The following PTBP3 variants were observed in gnomAD, a reference collection of about 807,000 sequenced individuals.
The protein encoded by PTBP3 is polypyrimidine tract-binding protein 3.
In PTBP3, 20 loss-of-function variants were observed where a neutral mutation model predicts 58.7. The observed-to-expected ratio is 0.34, with a 90% CI of 0.24 to 0.50. The LOEUF is 0.50. Ranked by LOEUF, PTBP3 falls within the 20% of genes least tolerant of loss-of-function variation. PTBP3 has a pLI of 0.98. For missense variants in PTBP3, 509 were observed against 637.2 expected, an observed-to-expected ratio of 0.80 and a Z score of 2.17; for synonymous variants, 185 against 219.8, an observed-to-expected ratio of 0.84 and a Z score of 1.40.
intron 3 of PTBP3, among the ~76,000 whole-genome samples, chr9:112,270,590 A>C (rs983527672): frequency 6.6e-5 from 10 of 152,228 alleles, no homozygotes; most frequent in African/African-American, 2.4e-4. Flanking sequence ...CTGAAATTCC[A>C]GTCTAAAATA....
At chr9:112,228,516 G>T in intron 10 of PTBP3, 44 bp from the exon 11 acceptor site, 1 of 1,341,194 alleles carries the variant, frequency 7.5e-7, no homozygotes, top group Non-Finnish European at 1.0e-6. Flanking sequence ...GTCTGATTGT[G>T]TTGTGTTTAA....
At chr9:112,346,512 A>G in the PTBP3 span, among the ~76,000 whole-genome samples, 4 of 152,110 alleles carry the variant, frequency 2.6e-5, no homozygotes, top group East Asian at 3.9e-4. Flanking sequence ...CATTTAGGGG[A>G]AAAAAATGGA....
chr9:112,366,891 G>A, the PTBP3 span, among the ~76,000 whole-genome samples: 1 of 152,154 alleles, frequency 6.6e-6, no homozygotes, highest in Non-Finnish European at 1.5e-5. Flanking sequence ...CAGGAGGGGG[G>A]CTATACCCTG....
At chr9:112,354,224 T>C in the PTBP3 span, among the ~76,000 whole-genome samples, 1 of 152,194 alleles carries the variant, frequency 6.6e-6, no homozygotes. Flanking sequence ...ATAATAGCCC[T>C]GTGCAAAAAG....
At chr9:112,291,278 T>C (rs1828410398) in intron 2 of PTBP3, among the ~76,000 whole-genome samples, 2 of 151,548 alleles carry the variant, frequency 1.3e-5, no homozygotes, top group Non-Finnish European at 2.9e-5. Context: ...AGACTTGAAA[T>C]TGTTTAAATG....
intron 2 of PTBP3, among the ~76,000 whole-genome samples, chr9:112,280,785 GCATA>G (rs757633763): frequency 0.1 from 895 of 8,836 alleles, 11 homozygotes; most frequent in South Asian, 0.19. Context: ...GTGTGTGTGT[GCATA>G]TATATATATA....
chr9:112,315,894 C>T (rs531924615), intron 1 of PTBP3, among the ~76,000 whole-genome samples: 1 of 152,256 alleles, frequency 6.6e-6, no homozygotes, highest in East Asian at 1.9e-4. Flanking sequence ...CTTCCTTCTA[C>T]TTTCTTGGAA....
chr9:112,319,452 C>T (rs1018334355), intron 1 of PTBP3, among the ~76,000 whole-genome samples: 1 of 152,094 alleles, frequency 6.6e-6, no homozygotes, highest in Non-Finnish European at 1.5e-5. Flanking sequence ...TATATAAAAA[C>T]GTGTTTAACA....
the PTBP3 span, among the ~76,000 whole-genome samples, chr9:112,379,583 G>A: frequency 1.3e-5 from 2 of 152,380 alleles, no homozygotes; most frequent in East Asian, 1.9e-4. Context: ...TTCGGCGGGA[G>A]AGTGGAAACG....
intron 1 of PTBP3, among the ~76,000 whole-genome samples, chr9:112,332,191 AT>A (rs1830402777): frequency 1.3e-5 from 2 of 152,216 alleles, no homozygotes; most frequent in Admixed American, 6.5e-5. Context: ...ATTTTAAGAA[AT>A]TTTTTGAAGC....
intron 1 of PTBP3, chr9:112,332,735 A>G (rs1187066666): frequency 6.2e-7 from 1 of 1,604,736 alleles, no homozygotes; most frequent in Non-Finnish European, 8.5e-7. Flanking sequence ...TAAATTTTTG[A>G]GCATTTGAAA....
chr9:112,352,907 CT>C, the PTBP3 span, among the ~76,000 whole-genome samples: 84 of 145,536 alleles, frequency 5.8e-4, no homozygotes, highest in African/African-American at 1.2e-3. Context: ...TCTTTTTTTT[CT>C]TTTTTTTTTT....
upstream of PTBP3, among the ~76,000 whole-genome samples, chr9:112,338,166 G>C (rs772228047): frequency 1.3e-5 from 2 of 152,222 alleles, no homozygotes; most frequent in Non-Finnish European, 1.5e-5. Context: ...AAGAGGGTGG[G>C]AGCAGATGGA....
the PTBP3 span, among the ~76,000 whole-genome samples, chr9:112,343,491 T>C: frequency 1.3e-5 from 2 of 152,214 alleles, no homozygotes; most frequent in Non-Finnish European, 1.5e-5. Context: ...GCAGTCAGTT[T>C]AAAATATCTT....
At chr9:112,305,385 G>A (rs893457453) in intron 1 of PTBP3, among the ~76,000 whole-genome samples, 3 of 152,002 alleles carry the variant, frequency 2.0e-5, no homozygotes, top group Non-Finnish European at 4.4e-5. Context: ...ACCTGAAGGG[G>A]CTGGAAACTA....
intron 8 of PTBP3, among the ~76,000 whole-genome samples, chr9:112,233,272 G>GGTGTGTGTGTGTGT (rs72086685): frequency 6.9e-6 from 1 of 144,408 alleles, no homozygotes. Context: ...TACACTGTAG[G>GGTGTGTGTGTGTGT]GTGTGTGTGT....
chr9:112,305,808 C>T (rs114582471), intron 1 of PTBP3, among the ~76,000 whole-genome samples: 2 of 152,032 alleles, frequency 1.3e-5, no homozygotes, highest in South Asian at 2.1e-4. Context: ...GGCGTGGTGA[C>T]GGACGCCTGT....
intron 6 of PTBP3, 119 bp from the exon 7 acceptor site, chr9:112,251,222 C>A: frequency 1.3e-6 from 1 of 749,916 alleles, no homozygotes; most frequent in Non-Finnish European, 1.9e-6. Context: ...ACTAAAAAGC[C>A]AAAGTCTTGG....
At chr9:112,339,465 G>A in the PTBP3 span, among the ~76,000 whole-genome samples, 1 of 151,788 alleles carries the variant, frequency 6.6e-6, no homozygotes, top group Admixed American at 6.6e-5. Context: ...TCTTAACCTA[G>A]AAGTCTCCCA....
Sources: gnomAD v4.1 joint callset for allele counts (sites outside exome capture counted in the v4.1 genomes callset) on GRCh38, gnomAD v4.1.1 for gene constraint, MANE v1.5 for transcripts, NCBI Gene and HGNC (gene_info 2026-07-23, HGNC 2026-07-21) for gene names.